The following MTMR10 variants were observed in gnomAD, a reference collection of about 807,000 sequenced individuals.
MTMR10 encodes the protein myotubularin related protein 10.
A neutral mutation model predicts 88.1 loss-of-function variants in MTMR10; 56 were observed. That is an observed-to-expected ratio of 0.64 (90% confidence interval 0.51 to 0.79). The LOEUF is 0.79. Among genes scored for constraint, MTMR10 ranks in the 30% least tolerant of loss-of-function variants. The pLI is 0.00. For synonymous variants in MTMR10, 380 were observed against 340.9 expected (o/e 1.11, Z -1.26); for missense variants, 883 against 924.7 (o/e 0.95, Z 0.58).
At chr15:30,938,723 T>G (rs1027069933), downstream of MTMR10, among the ~76,000 whole-genome samples, 1 of 152,200 alleles carries the variant, frequency 6.6e-6, no homozygotes, top group Non-Finnish European at 1.5e-5. Context: ...ATTTATTGAA[T>G]GGAAGGACCA....
Position 30,940,139 on chromosome 15 carries a change from G to T in MTMR10, c.*1331C>A. 1.0e-6 allele frequency: 1 copy of T among 985,428 alleles called. No individual in the cohort carries two copies. The highest frequency in any genetic ancestry group is 4.7e-5 in the South Asian group (1 of 21,292). The allele number at this position is 985,428 out of a possible 1,614,324, so 61.0% of individuals were successfully genotyped here. A position where few individuals can be genotyped will look rare whatever the true frequency, so the allele number is the denominator to read the frequency against. ...TCTTAGGATGGCAGTTTAAGAAACA[G>T]TCAAATTTGAAAGTATCCATGTTTT... On this transcript the variant is annotated 3_prime_UTR_variant, in exon 16 of 16. Transcript: ENST00000435680.
In MTMR10 at chr15:30,940,809, C is replaced by G; in HGVS notation, c.*661G>C. ...TATTTTCTTCTGTAATATTTGTATC[C>G]TAAAGTCAAAGGCACTTCTAAGTTT... On this transcript the variant is annotated 3_prime_UTR_variant, in exon 16 of 16. Transcript: ENST00000435680. 1 of 987,296 alleles carries G rather than the reference C, an allele frequency of 1.0e-6. No individual in the cohort carries two copies. Among genetic ancestry groups the G allele is most frequent in the Non-Finnish European group, 1.2e-6 (1 of 830,920 alleles). The allele number at this position is 987,296 out of a possible 1,614,324, so 61.2% of individuals were successfully genotyped here.
intron 12 of MTMR10, chr15:30,948,713 T>A (rs2063204438): frequency 1.8e-6 from 1 of 552,712 alleles, no homozygotes; most frequent in Non-Finnish European, 3.2e-6. Context: ...TAGAAGCTCA[T>A]CACTCATACT....
chr15:30,920,689 A>G, the MTMR10 span: 2 of 1,233,850 alleles, frequency 1.6e-6, no homozygotes, highest in Non-Finnish European at 2.3e-6. Context: ...ACCATTACTG[A>G]TGTGATGGCG....
the MTMR10 span, among the ~76,000 whole-genome samples, chr15:30,924,609 C>T: frequency 6.6e-6 from 1 of 152,122 alleles, no homozygotes; most frequent in Non-Finnish European, 1.5e-5. Flanking sequence ...CTTGTAATTC[C>T]TCCAAACCTT....
chr15:30,947,927 C>A (rs2063194557), intron 13 of MTMR10, among the ~76,000 whole-genome samples: 1 of 152,206 alleles, frequency 6.6e-6, no homozygotes, highest in African/African-American at 2.4e-5. Flanking sequence ...ACAGCTGTTG[C>A]AAAGGTGGCC....
chr15:30,950,067 T>A (rs1303101294), intron 12 of MTMR10: 1 of 127,704 alleles, frequency 7.8e-6, no homozygotes, highest in Non-Finnish European at 1.7e-5. Flanking sequence ...TTTAACAAAC[T>A]GTTTAAAAAT....
chr15:30,971,932 A>T (rs949228684), intron 5 of MTMR10, among the ~76,000 whole-genome samples: 3 of 152,184 alleles, frequency 2.0e-5, no homozygotes, highest in Non-Finnish European at 4.4e-5. Context: ...ATTTTGTCAT[A>T]ATACAATTGA....
At chr15:30,937,870 A>G (rs980914771), downstream of MTMR10, among the ~76,000 whole-genome samples, 6 of 151,056 alleles carry the variant, frequency 4.0e-5, no homozygotes, top group Admixed American at 2.0e-4. Flanking sequence ...GTGATGATTC[A>G]TCTTTAGGTT....
chr15:30,988,231 A>G (rs567666016), intron 2 of MTMR10, among the ~76,000 whole-genome samples: 1 of 152,288 alleles, frequency 6.6e-6, no homozygotes, highest in East Asian at 1.9e-4. Context: ...CACAGCCAGG[A>G]TGGGTGCAGG....
At chr15:30,957,178 G>A (rs1186710239) in intron 9 of MTMR10, among the ~76,000 whole-genome samples, 1 of 151,382 alleles carries the variant, frequency 6.6e-6, no homozygotes, top group Non-Finnish European at 1.5e-5. Context: ...TATTCAACAA[G>A]TATTGAATAA....
At chr15:30,944,741 T>C (rs953244843) in intron 14 of MTMR10, among the ~76,000 whole-genome samples, 18 of 152,060 alleles carry the variant, frequency 1.2e-4, no homozygotes, top group Non-Finnish European at 1.5e-5. Context: ...CCAAGCACGG[T>C]GGCTCACGCC....
At chr15:30,953,430 G>C (rs567502941) in intron 11 of MTMR10, 132 bp downstream of exon 11, 1 of 670,824 alleles carries the variant, frequency 1.5e-6, no homozygotes, top group Non-Finnish European at 2.6e-6. Context: ...CTCTAGTTAC[G>C]AGATGTTACT....
At chr15:30,950,509 A>G (rs577675718) in intron 12 of MTMR10, among the ~76,000 whole-genome samples, 1 of 152,082 alleles carries the variant, frequency 6.6e-6, no homozygotes, top group Non-Finnish European at 1.5e-5. Context: ...ATCTCTAGTA[A>G]AAATACAAAA....
chr15:30,948,652 A>G (rs562610714), intron 12 of MTMR10, 181 bp from the exon 13 acceptor site: 37 of 614,974 alleles, frequency 6.0e-5, no homozygotes, highest in Non-Finnish European at 9.8e-5. Flanking sequence ...GATAAACTAA[A>G]TTAGCATTTA....
At chr15:30,974,278 C>T (rs2029935368) in intron 5 of MTMR10, 36 bp downstream of exon 5, 2 of 1,498,774 alleles carry the variant, frequency 1.3e-6, no homozygotes, top group Admixed American at 2.1e-5. Context: ...AAACACAGTA[C>T]AGAACCCAGA....
intron 5 of MTMR10, among the ~76,000 whole-genome samples, chr15:30,972,846 A>G (rs2063553564): frequency 6.6e-6 from 1 of 152,176 alleles, no homozygotes; most frequent in Non-Finnish European, 1.5e-5. Flanking sequence ...CCACTCATTA[A>G]AATAGTGTAA....
intron 14 of MTMR10, among the ~76,000 whole-genome samples, chr15:30,944,332 C>T (rs1490962710): frequency 6.6e-6 from 1 of 151,792 alleles, no homozygotes; most frequent in Non-Finnish European, 1.5e-5. Flanking sequence ...TTTGGGAGGC[C>T]GAAGGCAGGC....
intron 5 of MTMR10, among the ~76,000 whole-genome samples, chr15:30,971,099 G>A (rs73366580): frequency 0.025 from 3,777 of 152,072 alleles, 152 homozygotes; most frequent in African/African-American, 0.087. Flanking sequence ...CCCATTCTTT[G>A]CACTTTTACA....
Sources: gnomAD v4.1 joint callset for allele counts (sites outside exome capture counted in the v4.1 genomes callset) on GRCh38, gnomAD v4.1.1 for gene constraint, MANE v1.5 for transcripts, NCBI Gene and HGNC (gene_info 2026-07-23, HGNC 2026-07-21) for gene names.